STEAP1B: variants seen among roughly 807,000 people sequenced by gnomAD.
STEAP1B encodes STEAP family member 1B.
Under a neutral mutation model 27.9 loss-of-function variants are expected in STEAP1B, and 13 were observed. That is an observed-to-expected ratio of 0.47 (90% confidence interval 0.30 to 0.74). The LOEUF is 0.74. Ranked by LOEUF, STEAP1B falls within the 30% of genes least tolerant of loss-of-function variation. The pLI is 0.06. For synonymous variants in STEAP1B, 86 were observed against 107.1 expected, an observed-to-expected ratio of 0.80 and a Z score of 1.22; for missense variants, 250 against 298.7, an observed-to-expected ratio of 0.84 and a Z score of 1.20.
chr7:22,452,807 C>T (rs1457088568), intron 4 of STEAP1B, among the ~76,000 whole-genome samples: 1 of 152,108 alleles, frequency 6.6e-6, no homozygotes, highest in East Asian at 1.9e-4. Context: ...GCACAGGGAG[C>T]CCGTTTTCTC....
chr7:22,443,876 G>A (rs1009562885), intron 4 of STEAP1B, among the ~76,000 whole-genome samples: 5 of 152,224 alleles, frequency 3.3e-5, no homozygotes, highest in African/African-American at 1.2e-4. Context: ...TCACCCAATT[G>A]AACAAGCTCT....
intron 4 of STEAP1B, among the ~76,000 whole-genome samples, chr7:22,434,535 T>A (rs891183344): frequency 6.6e-6 from 1 of 150,426 alleles, no homozygotes; most frequent in Non-Finnish European, 1.5e-5. Context: ...TAAAAAAAAA[T>A]TGGTACATCT....
intron 4 of STEAP1B, among the ~76,000 whole-genome samples, chr7:22,472,774 C>T (rs1785906859): frequency 6.6e-6 from 1 of 152,114 alleles, no homozygotes; most frequent in Non-Finnish European, 1.5e-5. Context: ...TACATCCCAT[C>T]CTCCCCCTCC....
chr7:22,484,501 T>C (rs1273070822), intron 4 of STEAP1B, among the ~76,000 whole-genome samples: 1 of 152,210 alleles, frequency 6.6e-6, no homozygotes, highest in Non-Finnish European at 1.5e-5. Flanking sequence ...TTCAAAATAT[T>C]ACCCTCATTG....
chr7:22,443,609 C>T (rs1785365962), intron 4 of STEAP1B, among the ~76,000 whole-genome samples: 1 of 152,180 alleles, frequency 6.6e-6, no homozygotes, highest in Non-Finnish European at 1.5e-5. Flanking sequence ...TTACAAGAAA[C>T]ATAACTTCCG....
chr7:22,483,143 C>G (rs1455088384), intron 4 of STEAP1B, among the ~76,000 whole-genome samples: 1 of 152,070 alleles, frequency 6.6e-6, no homozygotes, highest in Non-Finnish European at 1.5e-5. Context: ...ACGTCACCTT[C>G]TTCCAAGCAG....
At chr7:22,425,150 A>T (rs1440378896) in intron 4 of STEAP1B, among the ~76,000 whole-genome samples, 4 of 152,248 alleles carry the variant, frequency 2.6e-5, no homozygotes. Flanking sequence ...CTCTAAGGTC[A>T]TCATAACCTT....
At chr7:22,458,027 A>G (rs893800893) in intron 4 of STEAP1B, among the ~76,000 whole-genome samples, 1 of 152,256 alleles carries the variant, frequency 6.6e-6, no homozygotes, top group Non-Finnish European at 1.5e-5. Flanking sequence ...TTGTAAGTCC[A>G]GATGAGCCAT....
chr7:22,462,694 G>A (rs1410408436), intron 4 of STEAP1B, among the ~76,000 whole-genome samples: 1 of 150,380 alleles, frequency 6.6e-6, no homozygotes, highest in African/African-American at 2.5e-5. Flanking sequence ...ATAAACATAC[G>A]TGTGCATGTG....
At chr7:22,440,440 T>C (rs1039907967) in intron 4 of STEAP1B, among the ~76,000 whole-genome samples, 1 of 152,152 alleles carries the variant, frequency 6.6e-6, no homozygotes, top group African/African-American at 2.4e-5. Flanking sequence ...CTTGTAAAAA[T>C]ATTTGTTGAA....
At position 22,419,827 on chromosome 7, in the gene STEAP1B, T is replaced by C; in HGVS notation, c.772A>G (p.Arg258Gly). Reference protein sequence around the residue: ...REFHYIQVHGRINFLTL With the variant: ...REFHYIQVHGGINFLTL Reference sequence around the variant, plus strand: ...TGTCACAAGGTCAGGAAGTTGATCCTACCATGTACCTGGAAGGCAGACAGC... The same window carrying C: ...TGTCACAAGGTCAGGAAGTTGATCCCACCATGTACCTGGAAGGCAGACAGC... The change falls in exon 5 of 5, where the codon AGG becomes GGG. Residue 258 changes from arginine (R) to glycine (G), a missense_variant. By Grantham distance (125) the Arg-to-Gly change is moderately radical. Transcript: ENST00000678116. 1 of 1,550,256 alleles carries C rather than the reference T, an allele frequency of 6.5e-7. No homozygotes were observed. The highest frequency in any genetic ancestry group is 8.7e-7 in the Non-Finnish European group (1 of 1,146,084).
In STEAP1B at chr7:22,476,713, A is replaced by G. The variant is rs567025603; in HGVS notation, c.762+15852T>C. Among the ~76,000 whole-genome samples the G allele has an allele frequency of 5.7e-4, 87 of 152,288 alleles. 1 individual carries two copies. In the South Asian group the frequency reaches 0.011, roughly 19 times the overall value. Reference sequence around the variant, plus strand: ...CTTAGGGTGTGCTGGAGTTATTGTTATCAGGCACATCTACCATGAACCCAT... The same window carrying G: ...CTTAGGGTGTGCTGGAGTTATTGTTGTCAGGCACATCTACCATGAACCCAT... On this transcript the variant is annotated intron_variant, in intron 4 of 4. Coordinates refer to ENST00000678116, the MANE Select transcript of STEAP1B (RefSeq NM_001382447.1).
At chr7:22,487,464 G>A (rs1786230292) in intron 4 of STEAP1B, among the ~76,000 whole-genome samples, 1 of 150,456 alleles carries the variant, frequency 6.6e-6, no homozygotes, top group Non-Finnish European at 1.5e-5. Flanking sequence ...ATGAGTATTT[G>A]TTTGAAAAAA....
intron 4 of STEAP1B, among the ~76,000 whole-genome samples, chr7:22,456,964 A>ATTTTTTTTTTTTTTT (rs1332500011): frequency 3.0e-5 from 1 of 33,074 alleles, no homozygotes; most frequent in South Asian, 1.3e-3. Context: ...ATATATATAT[A>ATTTTTTTTTTTTTTT]TATATATATT....
At chr7:22,459,220 A>C (rs1261073415) in intron 4 of STEAP1B, among the ~76,000 whole-genome samples, 2 of 152,230 alleles carry the variant, frequency 1.3e-5, no homozygotes, top group Non-Finnish European at 2.9e-5. Context: ...ATTCAATTTC[A>C]TGATTCTATC....
At chr7:22,499,379 TGG>T (rs1491424145) in intron 1 of STEAP1B, among the ~76,000 whole-genome samples, 12,759 of 151,678 alleles carry the variant, frequency 0.084, 639 homozygotes, top group African/African-American at 0.096. Context: ...TCGAGTTTTT[TGG>T]GTTTTTTTTT....
chr7:22,495,870 A>T (rs1241748420), intron 1 of STEAP1B, among the ~76,000 whole-genome samples: 1 of 152,248 alleles, frequency 6.6e-6, no homozygotes, highest in Non-Finnish European at 1.5e-5. Context: ...CCATAAGAGT[A>T]TAATGGAGCA....
intron 4 of STEAP1B, among the ~76,000 whole-genome samples, chr7:22,428,779 A>G (rs1440950088): frequency 1.3e-5 from 2 of 152,154 alleles, no homozygotes; most frequent in African/African-American, 2.4e-5. Flanking sequence ...TGACAGAGCG[A>G]GAGTCCGTCT....
At chr7:22,442,620 G>GT (rs1321633190) in intron 4 of STEAP1B, among the ~76,000 whole-genome samples, 1 of 152,236 alleles carries the variant, frequency 6.6e-6, no homozygotes, top group African/African-American at 2.4e-5. Flanking sequence ...GGAATGCTGG[G>GT]TGCTGATCTG....
Sources: gnomAD v4.1 joint callset for allele counts (sites outside exome capture counted in the v4.1 genomes callset) on GRCh38, gnomAD v4.1.1 for gene constraint, MANE v1.5 for transcripts, NCBI Gene and HGNC (gene_info 2026-07-23, HGNC 2026-07-21) for gene names.